The following XRCC5 variants were observed in gnomAD, a reference collection of about 807,000 sequenced individuals.
XRCC5 encodes the protein DNA repair protein Ku80.
Under a neutral mutation model 95.7 loss-of-function variants are expected in XRCC5, and 12 were observed. The ratio of observed to expected loss-of-function variants is 0.13; its 90% CI spans 0.08 to 0.20. XRCC5 has a LOEUF of 0.20. Ranked by LOEUF, XRCC5 falls within the 10% of genes least tolerant of loss-of-function variation. XRCC5 has a pLI of 1.00. For missense variants in XRCC5, 595 were observed against 873.9 expected, an observed-to-expected ratio of 0.68 and a Z score of 4.02; for synonymous variants, 281 against 290.3, an observed-to-expected ratio of 0.97 and a Z score of 0.33.
intron 16 of XRCC5, among the ~76,000 whole-genome samples, chr2:216,167,806 T>G (rs1689083913): frequency 6.6e-6 from 1 of 152,180 alleles, no homozygotes; most frequent in South Asian, 2.1e-4. Flanking sequence ...CACTAAAATT[T>G]TAAACATCTT....
intron 15 of XRCC5, 91 bp from the exon 16 acceptor site, chr2:216,161,888 A>G: frequency 9.8e-7 from 1 of 1,021,274 alleles, no homozygotes; most frequent in Non-Finnish European, 1.5e-6. Context: ...TTATAAGAGC[A>G]CACTTATTAC....
At chr2:216,204,067 T>G in intron 19 of XRCC5, 1 of 485,316 alleles carries the variant, frequency 2.1e-6, no homozygotes, top group Non-Finnish European at 3.8e-6. Flanking sequence ...CGACAAGCCA[T>G]GTTCTTTCCT....
chr2:216,203,848 C>CTTTTTTTTTTTTT, intron 19 of XRCC5, among the ~76,000 whole-genome samples: 1 of 118,796 alleles, frequency 8.4e-6, no homozygotes, highest in Non-Finnish European at 1.7e-5. Flanking sequence ...TTATTCTAAG[C>CTTTTTTTTTTTTT]TTTTTTTTTT....
At chr2:216,183,847 A>G (rs1044174180) in intron 16 of XRCC5, among the ~76,000 whole-genome samples, 2 of 152,174 alleles carry the variant, frequency 1.3e-5, no homozygotes, top group African/African-American at 4.8e-5. Flanking sequence ...ACTCAAGCTT[A>G]TGCTTTTTTC....
chr2:216,170,322 C>A (rs917294285), intron 16 of XRCC5, among the ~76,000 whole-genome samples: 5 of 152,138 alleles, frequency 3.3e-5, no homozygotes, highest in African/African-American at 1.2e-4. Context: ...CTTAAATGTG[C>A]TGAGTAATTT....
intron 16 of XRCC5, among the ~76,000 whole-genome samples, chr2:216,173,072 T>C (rs987006929): frequency 9.9e-5 from 15 of 152,182 alleles, no homozygotes; most frequent in African/African-American, 3.6e-4. Context: ...AAATTATTTA[T>C]TTATTATATC....
chr2:216,132,419 T>C, intron 10 of XRCC5, 32 bp downstream of exon 10: 5 of 1,607,748 alleles, frequency 3.1e-6, no homozygotes, highest in African/African-American at 2.7e-5. Flanking sequence ...GAGGTAGTGC[T>C]ACAGAATTGA....
chr2:216,146,359 T>C (rs988704050), intron 13 of XRCC5, among the ~76,000 whole-genome samples: 1 of 148,632 alleles, frequency 6.7e-6, no homozygotes, highest in Non-Finnish European at 1.5e-5. Flanking sequence ...TTTTTTAGAA[T>C]AGAAACTTTC....
chr2:216,185,087 T>C (rs1423767417), intron 16 of XRCC5, among the ~76,000 whole-genome samples: 1 of 152,170 alleles, frequency 6.6e-6, no homozygotes, highest in Non-Finnish European at 1.5e-5. Context: ...TGTCTTCAGC[T>C]CCCATAGGAC....
At chr2:216,180,084 A>G (rs913676900) in intron 16 of XRCC5, among the ~76,000 whole-genome samples, 2 of 152,208 alleles carry the variant, frequency 1.3e-5, no homozygotes, top group African/African-American at 4.8e-5. Context: ...GCTGAGAAGG[A>G]GAAGATGGTC....
At chr2:216,172,486 T>G (rs1400743071) in intron 16 of XRCC5, among the ~76,000 whole-genome samples, 1 of 148,178 alleles carries the variant, frequency 6.7e-6, no homozygotes, top group Non-Finnish European at 1.5e-5. Flanking sequence ...TTTTTTTTTT[T>G]GAGACAAAGT....
At chr2:216,128,879 T>G (rs184924641) in intron 8 of XRCC5, among the ~76,000 whole-genome samples, 1 of 152,340 alleles carries the variant, frequency 6.6e-6, no homozygotes, top group East Asian at 1.9e-4. Context: ...CGTTCACATA[T>G]TCAAAGCCCC....
chr2:216,184,298 A>T (rs2106042348), intron 16 of XRCC5, among the ~76,000 whole-genome samples: 1 of 152,244 alleles, frequency 6.6e-6, no homozygotes, highest in African/African-American at 2.4e-5. Context: ...TGAAAACAAT[A>T]TTTTTTTACA....
chr2:216,203,865 T>TTCC (rs1553582007), intron 19 of XRCC5, among the ~76,000 whole-genome samples: 32 of 150,568 alleles, frequency 2.1e-4, no homozygotes, highest in African/African-American at 6.8e-4. Context: ...TTTTTTTTTT[T>TTCC]CCTGATTCTT....
chr2:216,132,318 C>T lies in XRCC5; in HGVS notation c.1051-7C>T, dbSNP rs1559242088. ...GGATCAAAAGCAATTCTTTTCCTCTCTTGTAGGTTCAGAGAAGATTCTTCA... is the reference window on the plus strand; with the variant it reads ...GGATCAAAAGCAATTCTTTTCCTCTTTTGTAGGTTCAGAGAAGATTCTTCA... On this transcript the variant is annotated splice_region_variant and splice_polypyrimidine_tract_variant and intron_variant, in intron 9 of 20. Coordinates refer to ENST00000392132, the MANE Select transcript of XRCC5 (RefSeq NM_021141.4). 5.6e-6 allele frequency: 9 copies of T among 1,613,576 alleles called. No homozygotes were observed. Among genetic ancestry groups the T allele is most frequent in the Non-Finnish European group, 7.6e-6 (9 of 1,179,614 alleles).
chr2:216,141,540 C>CTT lies in XRCC5; in HGVS notation c.1476+246_1476+247dup, dbSNP rs71401137. Among the ~76,000 whole-genome samples the CTT allele has an allele frequency of 9.2e-4, 60 of 64,934 alleles. 2 individuals are homozygous for CTT. Among genetic ancestry groups the CTT allele is most frequent in the African/African-American group, 3.9e-3 (53 of 13,468 alleles). The allele number at this position is 64,934 out of a possible 152,430, so 42.6% of individuals were successfully genotyped here. ...AAAGTTGGAATGCTTTCTTTCTTTTCTTTTTTTTTTTTTTTTTTTTTTTTT... is the reference window on the plus strand; with the variant it reads ...AAAGTTGGAATGCTTTCTTTCTTTTCTTTTTTTTTTTTTTTTTTTTTTTTTTT... On this transcript the variant is annotated intron_variant, in intron 13 of 20. Transcript: ENST00000392132.
At chr2:216,175,214 C>A (rs952720140) in intron 16 of XRCC5, 1 of 371,826 alleles carries the variant, frequency 2.7e-6, no homozygotes, top group Admixed American at 3.4e-5. Flanking sequence ...CCATTGTTGC[C>A]CACCGTCACC....
At chr2:216,171,773 C>T (rs967138492) in intron 16 of XRCC5, among the ~76,000 whole-genome samples, 4 of 152,184 alleles carry the variant, frequency 2.6e-5, no homozygotes, top group Non-Finnish European at 5.9e-5. Context: ...CATACTTATT[C>T]TGTGATAGAA....
Position 216,206,188 on chromosome 2 carries a change from T to A in XRCC5, c.*986T>A, listed in dbSNP as rs932054331. On this transcript the variant is annotated 3_prime_UTR_variant, in exon 21 of 21. Transcript: ENST00000392132. ...CCAGTTCCTCTTTGGTGTACAGACT[T>A]CTTGGTACCCAGTCACCTCTGTCTT... 1 of 152,184 alleles carries A rather than the reference T, an allele frequency of 6.6e-6. No homozygotes were observed. The highest frequency in any genetic ancestry group is 1.5e-5 in the Non-Finnish European group (1 of 68,026). The allele number at this position is 152,184 out of a possible 1,614,324, so 9.4% of individuals were successfully genotyped here.
Sources: gnomAD v4.1 joint callset for allele counts (sites outside exome capture counted in the v4.1 genomes callset) on GRCh38, gnomAD v4.1.1 for gene constraint, MANE v1.5 for transcripts, NCBI Gene and HGNC (gene_info 2026-07-23, HGNC 2026-07-21) for gene names.